Variants in PDE6B observed in about 807,000 individuals in gnomAD.
PDE6B encodes the protein rod cGMP-specific 3',5'-cyclic phosphodiesterase subunit beta.
PDE6B carries 106 observed loss-of-function variants against 109.0 expected under a neutral mutation model. The observed-to-expected ratio is 0.97, with a 90% CI of 0.83 to 1.14. The LOEUF (loss-of-function observed/expected upper bound fraction) is 1.14, where lower values mean the gene tolerates loss of function less well. Ranked by LOEUF, PDE6B falls within the 50% of genes most tolerant of loss-of-function variation. The pLI is 0.00. For synonymous variants in PDE6B, 490 were observed against 471.3 expected (o/e 1.04, Z -0.51); for missense variants, 1,193 against 1,155.6 (o/e 1.03, Z -0.47).
intron 1 of PDE6B, among the ~76,000 whole-genome samples, chr4:628,059 C>G (rs1312153665): frequency 2.0e-5 from 3 of 152,168 alleles, no homozygotes; most frequent in African/African-American, 7.2e-5. Flanking sequence ...GGTGCCATTC[C>G]AAGGGGCTGG....
At position 633,280 on chromosome 4, in the gene PDE6B, C is replaced by G. The variant is rs1432983811; in HGVS notation, c.469-1397C>G. 6.6e-6 allele frequency among the ~76,000 whole-genome samples: 1 copy of G among 152,178 alleles called. No homozygotes were observed. Among genetic ancestry groups the G allele is most frequent in the African/African-American group, 2.4e-5 (1 of 41,442 alleles). On this transcript the variant is annotated intron_variant, in intron 1 of 21. Transcript: ENST00000496514. This position sits in a 1 kb window ranked among gnomAD's most constrained non-coding sequence, Gnocchi z 4.5. ...AGGGATGCTGGCTCCACTGCCCACG[C>G]TGCCACCCCTGCCAGGGCTCACTCA...
chr4:651,882 C>T (rs1276154722), intron 3 of PDE6B: 1 of 139,222 alleles, frequency 7.2e-6, no homozygotes, highest in Non-Finnish European at 1.6e-5. Context: ...GGGGCCAAAG[C>T]TCCTGACCAG....
intron 3 of PDE6B, among the ~76,000 whole-genome samples, chr4:643,597 G>T (rs1438201215): frequency 6.6e-6 from 1 of 152,114 alleles, no homozygotes; most frequent in African/African-American, 2.4e-5. Context: ...AATACTCAGA[G>T]AACTCTTCAG....
chr4:646,777 A>G (rs1735225739), intron 3 of PDE6B, among the ~76,000 whole-genome samples: 1 of 151,490 alleles, frequency 6.6e-6, no homozygotes, highest in Non-Finnish European at 1.5e-5. Context: ...CAGAGCGTCC[A>G]TCTCTTTGCT....
intron 2 of PDE6B, 150 bp from the exon 3 acceptor site, chr4:635,730 G>C: frequency 2.9e-6 from 2 of 699,442 alleles, no homozygotes. Context: ...ACCTGAGCTT[G>C]TGTGTGCCAA....
In PDE6B at chr4:657,208, C is replaced by CG. The variant is rs1386940615; in HGVS notation, c.1258-140dup. ...GGAGCAGGAGCCTCTGCAGAGCACC[C>CG]GGGAGACCCCACACAGAAGCACTGC... On this transcript the variant is annotated intron_variant, in intron 9 of 21. Coordinates refer to ENST00000496514, the MANE Select transcript of PDE6B (RefSeq NM_000283.4). The CG allele has an allele frequency of 2.7e-5, 31 of 1,148,804 alleles. No homozygotes were observed. The Admixed American group carries it at 6.2e-4, about 23-fold the overall frequency. The allele number at this position is 1,148,804 out of a possible 1,614,324, so 71.2% of individuals were successfully genotyped here.
chr4:658,629 AC>A (rs942915389), intron 10 of PDE6B, among the ~76,000 whole-genome samples: 4 of 152,086 alleles, frequency 2.6e-5, no homozygotes, highest in African/African-American at 9.7e-5. Context: ...CTCTGTCTGC[AC>A]GGCCCTGGCA....
chr4:658,891 C>A, intron 10 of PDE6B, 61 bp from the exon 11 acceptor site: 3 of 1,236,652 alleles, frequency 2.4e-6, no homozygotes, highest in Non-Finnish European at 2.4e-6. Context: ...GTGGACGCAC[C>A]GCCGTCACCT....
chr4:666,495 G>C lies in PDE6B; in HGVS notation c.2269-36G>C, dbSNP rs1301334575. The C allele has an allele frequency of 2.0e-6, 3 of 1,472,436 alleles. No individual in the cohort carries two copies. Among genetic ancestry groups the C allele is most frequent in the Non-Finnish European group, 1.9e-6 (2 of 1,051,778 alleles). The allele number at this position is 1,472,436 out of a possible 1,614,324, so 91.2% of individuals were successfully genotyped here. A position where few individuals can be genotyped will look rare whatever the true frequency, so the allele number is the denominator to read the frequency against. On this transcript the variant is annotated intron_variant, in intron 19 of 21. Transcript: ENST00000496514. This position sits in a 1 kb window ranked among gnomAD's most constrained non-coding sequence, Gnocchi z 5.6. ...GCGGGGCCCCAGGAGCTGCCTCCCT[G>C]GTCACTGTTCTCCCGCCCTCTGTTC...
chr4:627,345 C>A (rs1381484875), intron 1 of PDE6B, among the ~76,000 whole-genome samples: 1 of 152,118 alleles, frequency 6.6e-6, no homozygotes, highest in Non-Finnish European at 1.5e-5. Context: ...AGAGTTTCGT[C>A]ATGTTGGTCA....
chr4:638,229 T>C (rs1050486984), intron 3 of PDE6B, among the ~76,000 whole-genome samples: 1 of 152,274 alleles, frequency 6.6e-6, no homozygotes, highest in African/African-American at 2.4e-5. Flanking sequence ...ATTTGCCATC[T>C]GTACATCTTA....
In PDE6B at chr4:636,022, C is replaced by A; in HGVS notation, c.711+53C>A. ...CCACGAGGGCCAGGGTCCCTCCGCC[C>A]ATCTCGCTGCCTGCACAGAGGCGGG... is the stretch of plus-strand genomic sequence containing the variant. On this transcript the variant is annotated intron_variant, in intron 3 of 21. Transcript: ENST00000496514. This position sits in a 1 kb window ranked among gnomAD's most constrained non-coding sequence, Gnocchi z 4.5. 1.9e-6 allele frequency: 2 copies of A among 1,027,230 alleles called. No homozygotes were observed. Among genetic ancestry groups the A allele is most frequent in the Non-Finnish European group, 1.5e-6 (1 of 647,266 alleles). 63.6% of individuals were successfully genotyped at this position (1,027,230 alleles called of 1,614,324 possible). A position where few individuals can be genotyped will look rare whatever the true frequency, so the allele number is the denominator to read the frequency against.
At position 666,409 on chromosome 4, in the gene PDE6B, G is replaced by A. The variant is rs1417255297; in HGVS notation, c.2269-122G>A. On this transcript the variant is annotated intron_variant, in intron 19 of 21. Transcript: ENST00000496514. This position sits in a 1 kb window ranked among gnomAD's most constrained non-coding sequence, Gnocchi z 5.6. ...CCTCCCGAGAGCCAGTTTCTGTCAG[G>A]CAGGCTCGTCCCAGGCTGTGTCTCC... 4.1e-6 allele frequency: 3 copies of A among 728,442 alleles called. No homozygotes were observed. Among genetic ancestry groups the A allele is most frequent in the Non-Finnish European group, 7.5e-6 (3 of 399,296 alleles). The allele number at this position is 728,442 out of a possible 1,614,324, so 45.1% of individuals were successfully genotyped here. A position where few individuals can be genotyped will look rare whatever the true frequency, so the allele number is the denominator to read the frequency against.
At chr4:643,289 CAG>C (rs948283613) in intron 3 of PDE6B, among the ~76,000 whole-genome samples, 4 of 150,964 alleles carry the variant, frequency 2.6e-5, no homozygotes, top group African/African-American at 7.3e-5. Context: ...GCCAGGGAGA[CAG>C]AGCGAGATTC....
intron 3 of PDE6B, among the ~76,000 whole-genome samples, chr4:638,725 C>A (rs1172530597): frequency 6.6e-6 from 1 of 152,154 alleles, no homozygotes; most frequent in African/African-American, 2.4e-5. Flanking sequence ...AATGAGGGTC[C>A]CAGTAATGAG....
In PDE6B at chr4:649,119, C is replaced by T. The variant is rs556219942; in HGVS notation, c.712-4733C>T. ...CACGCTGGCACAGCAGTCCGTCTGCCGTAGCGAAGCCCCGAGCACGGCCAA... is the reference window on the plus strand; with the variant it reads ...CACGCTGGCACAGCAGTCCGTCTGCTGTAGCGAAGCCCCGAGCACGGCCAA... On this transcript the variant is annotated intron_variant, in intron 3 of 21. Transcript: ENST00000496514. 4.6e-5 allele frequency among the ~76,000 whole-genome samples: 7 copies of T among 152,306 alleles called. No homozygotes were observed. The East Asian group carries it at 1.2e-3, about 25-fold the overall frequency.
Position 662,288 on chromosome 4 carries a change from C to T in PDE6B, c.1722+47C>T. On this transcript the variant is annotated intron_variant, in intron 13 of 21. Transcript: ENST00000496514. The surrounding 1 kb of genome is among the most constrained non-coding windows in gnomAD (Gnocchi z 4.3). ...CAGGGTTGTGCAGGCCCTCCTGGTA[C>T]CAAGGGCAGCACTCAAGCACCCCGA... 9.0e-7 allele frequency: 1 copy of T among 1,111,828 alleles called. No homozygotes were observed. The highest frequency in any genetic ancestry group is 1.5e-5 in the African/African-American group (1 of 64,750). 68.9% of individuals were successfully genotyped at this position (1,111,828 alleles called of 1,614,324 possible).
At chr4:658,200 C>T (rs1386441020) in intron 10 of PDE6B, among the ~76,000 whole-genome samples, 7 of 119,434 alleles carry the variant, frequency 5.9e-5, no homozygotes, top group South Asian at 2.9e-4. Context: ...CCAGGGGTCA[C>T]GGCTGTGTGG....
At chr4:643,942 G>C (rs1023834878) in intron 3 of PDE6B, among the ~76,000 whole-genome samples, 1 of 114,792 alleles carries the variant, frequency 8.7e-6, no homozygotes, top group African/African-American at 3.9e-5. Context: ...TTTTTTTTGA[G>C]GGAGTCTCGC....
Sources: gnomAD v4.1 joint callset for allele counts (sites outside exome capture counted in the v4.1 genomes callset) on GRCh38, gnomAD v4.1.1 for gene constraint, Gnocchi (gnomAD v3.1) non-coding constraint, MANE v1.5 for transcripts, NCBI Gene and HGNC (gene_info 2026-07-23, HGNC 2026-07-21) for gene names.